Variants in ZZEF1 observed in about 807,000 individuals in gnomAD.
ZZEF1 encodes zinc finger ZZ-type and EF-hand domain containing 1, also known as zinc finger ZZ-type and EF-hand domain-containing protein 1.
A neutral mutation model predicts 342.8 loss-of-function variants in ZZEF1; 157 were observed. That is an observed-to-expected ratio of 0.46 (90% CI 0.40 to 0.52). The LOEUF is 0.52. ZZEF1 is among the 20% of genes least tolerant of loss of function. The pLI is 0.00. For missense variants in ZZEF1, 3,480 were observed against 3,725.6 expected (o/e 0.93, Z 1.72); for synonymous variants, 1,505 against 1,429.1 (o/e 1.05, Z -1.20).
At chr17:4,123,304 T>C (rs2058518843) in intron 2 of ZZEF1, among the ~76,000 whole-genome samples, 1 of 127,562 alleles carries the variant, frequency 7.8e-6, no homozygotes, top group Non-Finnish European at 1.7e-5. Context: ...TATATATATA[T>C]ATATATCAGA....
rs142651074 is a variant in ZZEF1, at chr17:4,052,108, G to A, written c.5463C>T (p.Asp1821=). 1.1e-4 allele frequency: 175 copies of A among 1,613,728 alleles called. No individual in the cohort carries two copies. The highest frequency in any genetic ancestry group is 1.4e-4 in the South Asian group (13 of 91,020). ...ACTCCATGTTGACCATTTCATGGTCGTCTCCGTGGCCCTCAGGCTTCACCC... is the reference window on the plus strand; with the variant it reads ...ACTCCATGTTGACCATTTCATGGTCATCTCCGTGGCCCTCAGGCTTCACCC... ...LGGVKPEGHG[D]DHEMVNMEFT... is the part of the protein sequence containing the mutation. Residue 1821 remains aspartate (D), a synonymous_variant, in exon 35 of 55, where the codon GAC becomes GAT. Coordinates refer to ENST00000381638, the MANE Select transcript of ZZEF1 (RefSeq NM_015113.4).
Position 4,014,587 on chromosome 17 carries a change from G to T in ZZEF1, c.8146-72C>A. 1 of 1,529,922 alleles carries T rather than the reference G, an allele frequency of 6.5e-7. No individual in the cohort carries two copies. Among genetic ancestry groups the T allele is most frequent in the Non-Finnish European group, 9.0e-7 (1 of 1,112,416 alleles). The allele number at this position is 1,529,922 out of a possible 1,614,324, so 94.8% of individuals were successfully genotyped here. A position where few individuals can be genotyped will look rare whatever the true frequency, so the allele number is the denominator to read the frequency against. ...ACACTGACTGCAGCTGTCCCATGCC[G>T]AGTCCTGTGGCTGGACCCGGGTGTG... On this transcript the variant is annotated intron_variant, in intron 49 of 54. Coordinates refer to ENST00000381638, the MANE Select transcript of ZZEF1 (RefSeq NM_015113.4). The surrounding 1 kb of genome is among the most constrained non-coding windows in gnomAD (Gnocchi z 4.4).
intron 9 of ZZEF1, among the ~76,000 whole-genome samples, chr17:4,099,397 T>C (rs1391964838): frequency 6.6e-6 from 1 of 152,054 alleles, no homozygotes; most frequent in East Asian, 1.9e-4. Context: ...TTTTATTTCA[T>C]TTTTTGTAGT....
chr17:4,059,545 A>C (rs987465978), intron 30 of ZZEF1, among the ~76,000 whole-genome samples: 18 of 152,116 alleles, frequency 1.2e-4, no homozygotes, highest in African/African-American at 4.3e-4. Flanking sequence ...ATATAAACCC[A>C]TCCCTCCCAC....
intron 18 of ZZEF1, among the ~76,000 whole-genome samples, chr17:4,078,303 C>T (rs893730806): frequency 2.0e-5 from 3 of 152,164 alleles, no homozygotes; most frequent in African/African-American, 4.8e-5. Flanking sequence ...AACCTTACCC[C>T]CCTGGGTATC....
At chr17:4,063,319 G>C (rs1018405423) in intron 29 of ZZEF1, among the ~76,000 whole-genome samples, 4 of 152,152 alleles carry the variant, frequency 2.6e-5, no homozygotes, top group Admixed American at 2.6e-4. Context: ...GCTGGGTGTG[G>C]TGGCTCATGC....
At chr17:4,034,342 A>G (rs999499789) in intron 39 of ZZEF1, 50 bp from the exon 40 acceptor site, 20 of 1,592,196 alleles carry the variant, frequency 1.3e-5, no homozygotes, top group Non-Finnish European at 1.6e-5. Flanking sequence ...CACATAACCA[A>G]ACTTGCTAAA....
chr17:4,068,112 A>T (rs1597842324), intron 26 of ZZEF1, among the ~76,000 whole-genome samples: 1 of 152,160 alleles, frequency 6.6e-6, no homozygotes, highest in Non-Finnish European at 1.5e-5. Flanking sequence ...GTGTATGGAT[A>T]CACATATATA....
At chr17:4,051,191 G>T (rs1257212465) in intron 35 of ZZEF1, 148 bp from the exon 36 acceptor site, 39 of 1,012,448 alleles carry the variant, frequency 3.9e-5, no homozygotes, top group Non-Finnish European at 5.4e-5. Flanking sequence ...AAAGAAAGGT[G>T]TGGGCCCTCT....
chr17:4,100,730 A>G (rs1317241640), intron 9 of ZZEF1, among the ~76,000 whole-genome samples: 4 of 152,130 alleles, frequency 2.6e-5, no homozygotes, highest in African/African-American at 9.7e-5. Flanking sequence ...AGATACTCGG[A>G]AGGCTGAGGC....
chr17:4,022,605 A>G (rs564336029), intron 44 of ZZEF1, 104 bp downstream of exon 44: 1 of 1,535,842 alleles, frequency 6.5e-7, no homozygotes, highest in Admixed American at 1.7e-5. Flanking sequence ...GTACTAAAGG[A>G]GTGTGCACAG....
chr17:4,074,471 CA>C, intron 23 of ZZEF1, 120 bp from the exon 24 acceptor site: 3 of 1,022,496 alleles, frequency 2.9e-6, no homozygotes, highest in Non-Finnish European at 4.4e-6. Context: ...TCCACATGTC[CA>C]AAATGACTAA....
At chr17:4,098,676 C>G (rs750984860) in intron 9 of ZZEF1, among the ~76,000 whole-genome samples, 4 of 152,122 alleles carry the variant, frequency 2.6e-5, no homozygotes, top group African/African-American at 9.7e-5. Context: ...AATGACAAGA[C>G]TAAAACCAAT....
intron 39 of ZZEF1, among the ~76,000 whole-genome samples, chr17:4,036,699 C>T (rs906101557): frequency 6.6e-6 from 1 of 150,462 alleles, no homozygotes; most frequent in African/African-American, 2.5e-5. Context: ...CCACTGCACA[C>T]CAGCCTGGGC....
At position 4,086,667 on chromosome 17, in the gene ZZEF1, CAAA is replaced by C. The variant is rs1567828851; in HGVS notation, c.2343-15_2343-13del. 5 of 1,611,516 alleles carry C rather than the reference CAAA, an allele frequency of 3.1e-6. No homozygotes were observed. The South Asian group carries it at 5.5e-5, about 18-fold the overall frequency. ...ATTCTTCCCTCGGGCTACAGAAAGA[CAAA>C]AAACATCAGAGAGCAAAAGGGCAAG... On this transcript the variant is annotated splice_polypyrimidine_tract_variant and intron_variant, in intron 14 of 54. Coordinates refer to ENST00000381638, the MANE Select transcript of ZZEF1 (RefSeq NM_015113.4).
chr17:4,032,904 T>C lies in ZZEF1; in HGVS notation c.6683A>G (p.His2228Arg), dbSNP rs1597788429. 1 of 1,613,934 alleles carries C rather than the reference T, an allele frequency of 6.2e-7. No homozygotes were observed. ...CTGGAATGGCAGCTGCTTGATGCAG[T>C]GGTCTGTGAAGGTGGCAATGACATC... Reference protein sequence around the residue: ...WRDVIATFTDHCIKQLPFQLK... With the variant: ...WRDVIATFTDRCIKQLPFQLK... Residue 2228 changes from histidine to arginine, a missense_variant, in exon 41 of 55, where the codon CAC (histidine) becomes CGC (arginine). Around this residue, in one of 5 missense-constraint regions of ZZEF1, gnomAD observed 1,269 missense variants for 1,342.4 expected, o/e 0.95. Transcript: ENST00000381638.
chr17:4,082,612 A>G, intron 16 of ZZEF1, 108 bp from the exon 17 acceptor site: 1 of 1,039,154 alleles, frequency 9.6e-7, no homozygotes, highest in Admixed American at 2.0e-5. Flanking sequence ...AGTATGAGGA[A>G]TGCCAGGCCA....
intron 19 of ZZEF1, among the ~76,000 whole-genome samples, chr17:4,077,223 A>C (rs2057640842): frequency 6.6e-6 from 1 of 152,130 alleles, no homozygotes. Flanking sequence ...GATGAAGTAG[A>C]GGAGCACTTG....
chr17:4,063,367 G>A (rs573891501), intron 29 of ZZEF1, among the ~76,000 whole-genome samples: 52 of 152,234 alleles, frequency 3.4e-4, no homozygotes, highest in Admixed American at 1.3e-3. Context: ...CTTGAACCCA[G>A]GCATTTGAGA....
Sources: allele counts gnomAD v4.1 joint callset (sites outside exome capture counted in the v4.1 genomes callset), GRCh38; gene constraint gnomAD v4.1.1; regional missense constraint gnomAD v4.1.1; non-coding constraint Gnocchi (gnomAD v3.1); transcripts MANE v1.5; gene names NCBI Gene and HGNC (gene_info 2026-07-23, HGNC 2026-07-21).